The following DENND1B variants were observed in gnomAD, a reference collection of about 807,000 sequenced individuals.
DENND1B encodes the protein DENN domain-containing protein 1B.
In DENND1B, 59 loss-of-function variants were observed where a neutral mutation model predicts 90.1. That is an observed-to-expected ratio of 0.65 (90% confidence interval 0.53 to 0.81). The LOEUF is 0.81. DENND1B is among the 40% of genes least tolerant of loss of function. DENND1B has a pLI of 0.00. For synonymous variants in DENND1B, 337 were observed against 324.6 expected (o/e 1.04, Z -0.41); for missense variants, 862 against 912.6 (o/e 0.94, Z 0.71).
chr1:197,513,169 A>G (rs1571689491), intron 20 of DENND1B, among the ~76,000 whole-genome samples: 2 of 13,694 alleles, frequency 1.5e-4, no homozygotes, highest in Non-Finnish European at 9.0e-4. Flanking sequence ...TTCTCAAACC[A>G]ATAAAAAAAA....
intron 2 of DENND1B, among the ~76,000 whole-genome samples, chr1:197,752,196 A>C (rs1653654708): frequency 6.6e-6 from 1 of 152,054 alleles, no homozygotes; most frequent in African/African-American, 2.4e-5. Context: ...TATTGGAAGA[A>C]AAGGGGGCTT....
At position 197,545,400 on chromosome 1, in the gene DENND1B, G is replaced by A. The variant is rs1311117184; in HGVS notation, c.1350+522C>T. Among the ~76,000 whole-genome samples, 11 of 150,344 alleles carry A rather than the reference G, an allele frequency of 7.3e-5. No homozygotes were observed. In the East Asian group the frequency reaches 1.8e-3, roughly 24 times the overall value. On this transcript the variant is annotated intron_variant, in intron 18 of 22. Coordinates refer to ENST00000620048, the MANE Select transcript of DENND1B (RefSeq NM_001195215.2). ...AGCCTGGGTGACAGAGCGAGACTTC[G>A]TCTCAAAAAAAAAAAAGAATTTGTG... is the stretch of plus-strand genomic sequence containing the variant.
intron 3 of DENND1B, among the ~76,000 whole-genome samples, chr1:197,693,490 C>G (rs544862196): frequency 6.6e-6 from 1 of 151,628 alleles, no homozygotes; most frequent in East Asian, 1.9e-4. Flanking sequence ...TCATACCTAA[C>G]ATTATGTCTT....
chr1:197,538,177 T>C (rs1182464171), intron 20 of DENND1B, among the ~76,000 whole-genome samples: 1 of 152,158 alleles, frequency 6.6e-6, no homozygotes, highest in Admixed American at 6.5e-5. Flanking sequence ...TCATATTCGT[T>C]TTCACAGAAA....
chr1:197,760,903 C>T (rs538423259), intron 2 of DENND1B, among the ~76,000 whole-genome samples: 3 of 152,164 alleles, frequency 2.0e-5, no homozygotes, highest in African/African-American at 4.8e-5. Flanking sequence ...AATATTTCCA[C>T]GTTTAGGGTA....
At chr1:197,536,192 C>G (rs9803824) in intron 20 of DENND1B, among the ~76,000 whole-genome samples, 141,582 of 148,764 alleles carry the variant, frequency 0.95, 67,732 homozygotes, top group Non-Finnish European at 1. Flanking sequence ...GATGAGATGA[C>G]ATGAGATGAG....
chr1:197,545,768 A>G, intron 18 of DENND1B, 154 bp downstream of exon 18: 1 of 600,198 alleles, frequency 1.7e-6, no homozygotes. Context: ...TTATAATTTT[A>G]ACAATTGAAT....
intron 14 of DENND1B, among the ~76,000 whole-genome samples, chr1:197,590,440 T>G (rs1675094490): frequency 6.6e-6 from 1 of 152,034 alleles, no homozygotes; most frequent in Admixed American, 6.5e-5. Context: ...AACTTACTGT[T>G]GGCTAAAATC....
At chr1:197,562,345 C>T (rs1350175648) in intron 15 of DENND1B, among the ~76,000 whole-genome samples, 1 of 151,892 alleles carries the variant, frequency 6.6e-6, no homozygotes, top group Non-Finnish European at 1.5e-5. Context: ...TGGCAACCCT[C>T]CATTGAGCAA....
At chr1:197,748,939 CAG>C (rs1255363791) in intron 2 of DENND1B, among the ~76,000 whole-genome samples, 4 of 152,016 alleles carry the variant, frequency 2.6e-5, no homozygotes, top group African/African-American at 9.6e-5. Flanking sequence ...AGTAGAAAAA[CAG>C]AATCTATTAA....
At chr1:197,645,984 T>C (rs1046578564) in intron 8 of DENND1B, among the ~76,000 whole-genome samples, 1 of 151,682 alleles carries the variant, frequency 6.6e-6, no homozygotes, top group Non-Finnish European at 1.5e-5. Flanking sequence ...AAAATTAAAA[T>C]TAAAATAGGG....
At chr1:197,629,817 A>G (rs1679163246) in intron 10 of DENND1B, among the ~76,000 whole-genome samples, 1 of 152,110 alleles carries the variant, frequency 6.6e-6, no homozygotes, top group South Asian at 2.1e-4. Flanking sequence ...AGAGCCTGTT[A>G]TCCAAAATAT....
At chr1:197,694,454 A>G (rs995982424) in intron 3 of DENND1B, among the ~76,000 whole-genome samples, 4 of 151,462 alleles carry the variant, frequency 2.6e-5, no homozygotes, top group Non-Finnish European at 4.4e-5. Context: ...TTTGAAATGC[A>G]AAACTTTGAA....
chr1:197,757,992 G>A (rs913991871), intron 2 of DENND1B, among the ~76,000 whole-genome samples: 1 of 152,068 alleles, frequency 6.6e-6, no homozygotes, highest in Non-Finnish European at 1.5e-5. Context: ...ATCAATATTA[G>A]CTCTTAGAAG....
intron 6 of DENND1B, among the ~76,000 whole-genome samples, chr1:197,654,471 G>T (rs777546074): frequency 6.6e-6 from 1 of 152,132 alleles, no homozygotes; most frequent in Non-Finnish European, 1.5e-5. Flanking sequence ...TTATCCAGGC[G>T]TGGTGGTGCA....
intron 2 of DENND1B, among the ~76,000 whole-genome samples, chr1:197,733,573 C>T (rs1473915784): frequency 2.0e-5 from 3 of 152,132 alleles, no homozygotes; most frequent in South Asian, 4.1e-4. Flanking sequence ...TCTTTGTCTT[C>T]GTTGTTTGGG....
intron 3 of DENND1B, among the ~76,000 whole-genome samples, chr1:197,676,574 T>C (rs1656099288): frequency 6.6e-6 from 1 of 152,190 alleles, no homozygotes; most frequent in South Asian, 2.1e-4. Context: ...AAAATTATTT[T>C]GGATTCAGAA....
intron 2 of DENND1B, among the ~76,000 whole-genome samples, chr1:197,770,316 T>C (rs1656263072): frequency 6.6e-6 from 1 of 152,076 alleles, no homozygotes; most frequent in South Asian, 2.1e-4. Flanking sequence ...TAAAAAGTAG[T>C]GATTTAAATA....
At chr1:197,552,191 C>T (rs1488199159) in intron 16 of DENND1B, 1 of 976,026 alleles carries the variant, frequency 1.0e-6, no homozygotes, top group African/African-American at 1.8e-5. Flanking sequence ...TTCCTCAAAA[C>T]AAACATACAA....
Sources: gnomAD v4.1 joint callset for allele counts (sites outside exome capture counted in the v4.1 genomes callset) on GRCh38, gnomAD v4.1.1 for gene constraint, MANE v1.5 for transcripts, NCBI Gene and HGNC (gene_info 2026-07-23, HGNC 2026-07-21) for gene names.